SLC7A8: variants seen among roughly 807,000 people sequenced by gnomAD.
SLC7A8 encodes the protein large neutral amino acids transporter small subunit 2.
In SLC7A8, 30 loss-of-function variants were observed where a neutral mutation model predicts 51.2. That is an observed-to-expected ratio of 0.59 (90% CI 0.44 to 0.80). The LOEUF (loss-of-function observed/expected upper bound fraction) is 0.80. Among genes scored for constraint, SLC7A8 ranks in the 30% least tolerant of loss-of-function variants. The pLI, the probability that SLC7A8 is intolerant of heterozygous loss-of-function variation, is 0.00. For synonymous variants in SLC7A8, 257 were observed against 275.8 expected (o/e 0.93, Z 0.67); for missense variants, 612 against 674.4 (o/e 0.91, Z 1.03).
intron 1 of SLC7A8, among the ~76,000 whole-genome samples, chr14:23,177,616 G>C (rs1437764406): frequency 6.6e-6 from 1 of 152,178 alleles, no homozygotes; most frequent in African/African-American, 2.4e-5. Flanking sequence ...TACGTGACTG[G>C]TATAAAGTAC....
At chr14:23,137,639 G>A (rs758054601) in intron 7 of SLC7A8, among the ~76,000 whole-genome samples, 7 of 152,182 alleles carry the variant, frequency 4.6e-5, no homozygotes, top group African/African-American at 9.7e-5. Flanking sequence ...CAGGCTGGCG[G>A]CCTCCTCTGT....
Position 23,129,783 on chromosome 14 carries a change from A to G in SLC7A8, c.1130T>C (p.Leu377Pro), listed in dbSNP as rs1418217203. The change falls in exon 9 of 11, where the codon CTG becomes CCG. Residue 377 changes from leucine (L) to proline (P), a missense_variant. Coordinates refer to ENST00000316902, the MANE Select transcript of SLC7A8 (RefSeq NM_012244.4). ...GTACATGTCGCTGGTGACCAGCATC[A>G]GCAGGGTGGAGATGCACTGGGAAAG... The part of the protein sequence containing the change: ...ALLFTCISTL[L>P]MLVTSDMYTL... 1.9e-6 allele frequency: 3 copies of G among 1,614,172 alleles called. No homozygotes were observed. The highest frequency in any genetic ancestry group is 2.5e-6 in the Non-Finnish European group (3 of 1,180,014).
At position 23,166,425 on chromosome 14, in the gene SLC7A8, T is replaced by C. The variant is rs376271915; in HGVS notation, c.267A>G (p.Gly89=). 6.9e-5 allele frequency: 112 copies of C among 1,613,874 alleles called. No individual in the cohort carries two copies. Among genetic ancestry groups the C allele is most frequent in the Middle Eastern group, 1.6e-4 (1 of 6,084 alleles). Residue 89 remains glycine (G), a synonymous_variant, in exon 2 of 11, where the codon GGA becomes GGG. Transcript: ENST00000316902. The part of the protein sequence containing the change: ...WIVTGFITVV[G]ALCYAELGVT... ...CCCCGAGTTCAGCATAGCAGAGGGC[T>C]CCCACAACTGTGATGAAGCCCGTCA...
intron 3 of SLC7A8, among the ~76,000 whole-genome samples, chr14:23,151,694 G>A (rs187583015): frequency 7.9e-4 from 119 of 151,200 alleles, no homozygotes; most frequent in African/African-American, 2.8e-3. Flanking sequence ...GGAATTCAAG[G>A]CTGCAGTAAG....
At chr14:23,162,788 G>A (rs2048930659) in intron 3 of SLC7A8, among the ~76,000 whole-genome samples, 1 of 152,148 alleles carries the variant, frequency 6.6e-6, no homozygotes, top group Non-Finnish European at 1.5e-5. Context: ...GCAGATTTGG[G>A]GAATGCAAAG....
At chr14:23,150,162 AT>A (rs1255883151) in intron 3 of SLC7A8, among the ~76,000 whole-genome samples, 5 of 152,222 alleles carry the variant, frequency 3.3e-5, no homozygotes, top group Admixed American at 3.3e-4. Flanking sequence ...GCATAAACAA[AT>A]AAATCTTCAT....
chr14:23,129,597 G>A lies in SLC7A8; in HGVS notation c.1263+53C>T, dbSNP rs1057253047. The A allele has an allele frequency of 2.6e-5, 42 of 1,586,218 alleles. No homozygotes were observed. In the African/African-American group the frequency reaches 5.0e-4, roughly 19 times the overall value. On this transcript the variant is annotated intron_variant, in intron 9 of 10. Transcript: ENST00000316902. The stretch of plus-strand genomic sequence containing the variant: ...CAGAGGTGATTTAAAAATCTGAACT[G>A]CAGCTAGAACCATAGAGGAAGGGGA...
intron 3 of SLC7A8, among the ~76,000 whole-genome samples, chr14:23,162,146 G>C (rs1309848177): frequency 6.6e-6 from 1 of 152,048 alleles, no homozygotes; most frequent in Non-Finnish European, 1.5e-5. Context: ...AAAGCAGCTG[G>C]GAGTGTCAGG....
At chr14:23,131,739 G>A (rs2048636238) in intron 7 of SLC7A8, among the ~76,000 whole-genome samples, 182 bp from the exon 8 acceptor site, 1 of 152,230 alleles carries the variant, frequency 6.6e-6, no homozygotes. Context: ...GCAGGTGCAA[G>A]CAAACCAGAG....
At chr14:23,137,828 A>T in intron 7 of SLC7A8, 93 bp downstream of exon 7, 1 of 1,495,634 alleles carries the variant, frequency 6.7e-7, no homozygotes, top group Non-Finnish European at 9.1e-7. Flanking sequence ...GCCCACACAG[A>T]CCCCTGCTGA....
In SLC7A8 at chr14:23,139,513, G is replaced by A; in HGVS notation, c.823C>T (p.Leu275=). The A allele has an allele frequency of 6.2e-7, 1 of 1,614,140 alleles. No homozygotes were observed. The highest frequency in any genetic ancestry group is 1.1e-5 in the South Asian group (1 of 91,084). The change falls in exon 6 of 11, where the codon CTG becomes TTG. Residue 275 remains leucine, a synonymous_variant. Coordinates refer to ENST00000316902, the MANE Select transcript of SLC7A8 (RefSeq NM_012244.4). The part of the protein sequence containing the change: ...LPRAIFISIP[L]VTFVYVFANV... ...GCAAAGACATACACAAATGTGACCA[G>A]TGGGATGGAGATGAAGATGGCTCTG...
chr14:23,138,192 G>A (rs1249734986), intron 6 of SLC7A8, 168 bp from the exon 7 acceptor site: 3 of 729,408 alleles, frequency 4.1e-6, no homozygotes, highest in Non-Finnish European at 6.6e-6. Flanking sequence ...CCTACACAGG[G>A]TGGTTAATGC....
rs1356992496 is a variant in SLC7A8 at position 23,183,374 on chromosome 14, G to T, written c.-460C>A. 1 of 153,398 alleles carries T rather than the reference G, an allele frequency of 6.5e-6. No individual in the cohort carries two copies. Among genetic ancestry groups the T allele is most frequent in the Admixed American group, 6.5e-5 (1 of 15,384 alleles). The allele number at this position is 153,398 out of a possible 1,614,324, so 9.5% of individuals were successfully genotyped here. On this transcript the variant is annotated 5_prime_UTR_variant, in exon 1 of 11. Coordinates refer to ENST00000316902, the MANE Select transcript of SLC7A8 (RefSeq NM_012244.4). ...ACCTCCCCTTAGTTTTTTCTTTTATGATGAAGACAAAAGTAGTTTTCATTA... is the reference window on the plus strand; with the variant it reads ...ACCTCCCCTTAGTTTTTTCTTTTATTATGAAGACAAAAGTAGTTTTCATTA...
chr14:23,130,035 G>A (rs549301023), intron 8 of SLC7A8: 5 of 503,808 alleles, frequency 9.9e-6, no homozygotes, highest in Middle Eastern at 5.4e-4. Context: ...CGTATGGCAC[G>A]GGCACTAGCC....
At chr14:23,144,844 C>T (rs945540729) in intron 3 of SLC7A8, among the ~76,000 whole-genome samples, 2 of 151,918 alleles carry the variant, frequency 1.3e-5, no homozygotes, top group Admixed American at 6.6e-5. Flanking sequence ...GTTTTGTAGA[C>T]GAGGAACAAA....
chr14:23,160,160 A>AT (rs761034970), intron 3 of SLC7A8, among the ~76,000 whole-genome samples: 4 of 152,204 alleles, frequency 2.6e-5, no homozygotes, highest in African/African-American at 4.8e-5. Flanking sequence ...AGATGCACAG[A>AT]TGGAAGCCTG....
chr14:23,157,200 A>G (rs2048898581), intron 3 of SLC7A8, among the ~76,000 whole-genome samples: 1 of 152,212 alleles, frequency 6.6e-6, no homozygotes, highest in African/African-American at 2.4e-5. Flanking sequence ...CTTCACCTGT[A>G]TCCCCAACAA....
intron 1 of SLC7A8, among the ~76,000 whole-genome samples, chr14:23,171,476 G>T (rs2048974942): frequency 1.3e-5 from 2 of 152,082 alleles, no homozygotes; most frequent in Non-Finnish European, 2.9e-5. Context: ...TCACATCTAG[G>T]CTTGTCCACA....
rs748339188 is a variant in SLC7A8 at position 23,165,347 on chromosome 14, G to A, written c.446C>T (p.Pro149Leu). 44 of 1,605,356 alleles carry A rather than the reference G, an allele frequency of 2.7e-5. No individual in the cohort carries two copies. Among genetic ancestry groups the A allele is most frequent in the Admixed American group, 1.2e-4 (7 of 57,960 alleles). The change falls in exon 3 of 11, where the codon CCG (proline) becomes CTG (leucine). Residue 149 changes from proline (P) to leucine (L), a missense_variant. Transcript: ENST00000316902. This position sits in a 1 kb window ranked among gnomAD's most constrained non-coding sequence, Gnocchi z 4.2. ...TGGGGGGAAGCAGGTGGGGAAGAGC[G>A]GCTGCAGCACGTAGTTGGAGAAGGT... Reference protein sequence around the residue: ...ALTFSNYVLQPLFPTCFPPES... With the variant: ...ALTFSNYVLQLLFPTCFPPES...
Sources: allele counts gnomAD v4.1 joint callset (sites outside exome capture counted in the v4.1 genomes callset), GRCh38; gene constraint gnomAD v4.1.1; non-coding constraint Gnocchi (gnomAD v3.1); transcripts MANE v1.5; gene names NCBI Gene and HGNC (gene_info 2026-07-23, HGNC 2026-07-21).